UNC5D: variants seen among roughly 807,000 people sequenced by gnomAD.
UNC5D encodes unc-5 netrin receptor D, also known as netrin receptor UNC5D.
In UNC5D, 39 loss-of-function variants were observed where a neutral mutation model predicts 105.4. The ratio of observed to expected loss-of-function variants is 0.37; its 90% CI spans 0.29 to 0.48. The LOEUF (loss-of-function observed/expected upper bound fraction) is 0.48, where lower values mean the gene tolerates loss of function less well. Ranked by LOEUF, UNC5D falls within the 20% of genes least tolerant of loss-of-function variation. The pLI is 0.98. For missense variants in UNC5D, 991 were observed against 1,202.4 expected, an observed-to-expected ratio of 0.82 and a Z score of 2.60; for synonymous variants, 452 against 450.4, an observed-to-expected ratio of 1.00 and a Z score of -0.04.
At chr8:35,754,963 G>C (rs1005502417) in intron 13 of UNC5D, among the ~76,000 whole-genome samples, 1 of 152,110 alleles carries the variant, frequency 6.6e-6, no homozygotes, top group Admixed American at 6.5e-5. Flanking sequence ...GGTGAGAAAA[G>C]AATAAGAAGA....
chr8:35,554,905 G>A (rs1816429802), intron 2 of UNC5D, among the ~76,000 whole-genome samples: 1 of 152,092 alleles, frequency 6.6e-6, no homozygotes, highest in Non-Finnish European at 1.5e-5. Flanking sequence ...TTAAACAACT[G>A]GAGTCACTCT....
chr8:35,320,089 T>C (rs766204400), intron 1 of UNC5D, among the ~76,000 whole-genome samples: 4 of 152,066 alleles, frequency 2.6e-5, no homozygotes, highest in Non-Finnish European at 5.9e-5. Context: ...CCTGAGAACA[T>C]GTGCCCAAGG....
At chr8:35,780,234 A>G (rs1252483005) in intron 16 of UNC5D, among the ~76,000 whole-genome samples, 2 of 152,216 alleles carry the variant, frequency 1.3e-5, no homozygotes, top group African/African-American at 2.4e-5. Flanking sequence ...TTTCAAACAC[A>G]CTTCAGATTT....
chr8:35,646,106 G>C (rs138125641), intron 4 of UNC5D, among the ~76,000 whole-genome samples: 21 of 152,236 alleles, frequency 1.4e-4, no homozygotes, highest in African/African-American at 4.8e-4. Flanking sequence ...ATATAATGTA[G>C]CTCATTGGCA....
intron 7 of UNC5D, among the ~76,000 whole-genome samples, chr8:35,694,849 A>C (rs564147160): frequency 6.6e-6 from 1 of 152,168 alleles, no homozygotes; most frequent in South Asian, 2.1e-4. Flanking sequence ...CCAAAGTGCT[A>C]GGATAACAGG....
intron 4 of UNC5D, among the ~76,000 whole-genome samples, chr8:35,643,176 G>A (rs1381773406): frequency 1.3e-5 from 2 of 152,142 alleles, no homozygotes; most frequent in African/African-American, 2.4e-5. Flanking sequence ...AGTGGGATCC[G>A]TGGCCTCCAC....
At chr8:35,633,090 C>T (rs570608644) in intron 4 of UNC5D, among the ~76,000 whole-genome samples, 7 of 152,336 alleles carry the variant, frequency 4.6e-5, no homozygotes, top group African/African-American at 1.7e-4. Flanking sequence ...CTCTCTAAGG[C>T]TCTCTGCCTC....
chr8:35,244,068 G>A (rs928319006), intron 1 of UNC5D, among the ~76,000 whole-genome samples: 2 of 152,148 alleles, frequency 1.3e-5, no homozygotes, highest in East Asian at 1.9e-4. Flanking sequence ...GTCCTATTAT[G>A]CGTGGCTGTT....
intron 1 of UNC5D, among the ~76,000 whole-genome samples, chr8:35,451,856 A>T (rs1264209877): frequency 6.6e-6 from 1 of 152,148 alleles, no homozygotes; most frequent in East Asian, 1.9e-4. Flanking sequence ...TTGGGAGAAG[A>T]AATTTCAGGT....
At chr8:35,368,785 T>C (rs919189927) in intron 1 of UNC5D, among the ~76,000 whole-genome samples, 1 of 151,932 alleles carries the variant, frequency 6.6e-6, no homozygotes, top group African/African-American at 2.4e-5. Flanking sequence ...TTGGGTCCCT[T>C]AGAACAAGAG....
At chr8:35,728,327 T>C (rs931420194) in intron 10 of UNC5D, among the ~76,000 whole-genome samples, 2 of 151,998 alleles carry the variant, frequency 1.3e-5, no homozygotes, top group Non-Finnish European at 2.9e-5. Flanking sequence ...GGGAGAGCCA[T>C]GACCAACCCG....
intron 1 of UNC5D, among the ~76,000 whole-genome samples, chr8:35,540,441 A>AGGGG (rs34099157): frequency 7.6e-6 from 1 of 132,004 alleles, no homozygotes; most frequent in Non-Finnish European, 1.6e-5. Context: ...CACAAAGCAG[A>AGGGG]GGGGTGTGTG....
At chr8:35,589,552 A>G (rs1819025497) in intron 3 of UNC5D, among the ~76,000 whole-genome samples, 1 of 152,022 alleles carries the variant, frequency 6.6e-6, no homozygotes, top group Admixed American at 6.6e-5. Context: ...TTTTTAGTAT[A>G]CTCACAGAGT....
intron 1 of UNC5D, among the ~76,000 whole-genome samples, chr8:35,481,781 T>G (rs942127557): frequency 6.6e-6 from 1 of 152,210 alleles, no homozygotes; most frequent in African/African-American, 2.4e-5. Context: ...TTTTGCAATG[T>G]GGATTGAGTT....
chr8:35,497,634 G>T (rs1045178000), intron 1 of UNC5D, among the ~76,000 whole-genome samples: 2 of 150,810 alleles, frequency 1.3e-5, no homozygotes, highest in Admixed American at 6.7e-5. Flanking sequence ...AATGGTAATG[G>T]AAGCATGGAG....
intron 1 of UNC5D, among the ~76,000 whole-genome samples, chr8:35,300,257 G>A (rs1421667172): frequency 1.3e-5 from 2 of 151,834 alleles, no homozygotes; most frequent in African/African-American, 2.4e-5. Context: ...AGACCAGCCT[G>A]GCCAACATGG....
intron 1 of UNC5D, among the ~76,000 whole-genome samples, chr8:35,248,176 A>G (rs1218873410): frequency 2.2e-3 from 106 of 48,268 alleles, no homozygotes; most frequent in African/African-American, 0.01. Flanking sequence ...ATTATATAAT[A>G]TATATAATAT....
At chr8:35,287,093 C>G (rs867221900) in intron 1 of UNC5D, among the ~76,000 whole-genome samples, 1 of 152,162 alleles carries the variant, frequency 6.6e-6, no homozygotes, top group Non-Finnish European at 1.5e-5. Context: ...CTGCCAGCCA[C>G]CCCTCCAGAA....
intron 1 of UNC5D, among the ~76,000 whole-genome samples, chr8:35,400,921 T>C (rs1804417402): frequency 6.6e-6 from 1 of 152,184 alleles, no homozygotes; most frequent in South Asian, 2.1e-4. Flanking sequence ...ATATAACTGA[T>C]ATATAATGCC....
Sources: allele counts gnomAD v4.1 joint callset (sites outside exome capture counted in the v4.1 genomes callset), GRCh38; gene constraint gnomAD v4.1.1; transcripts MANE v1.5; gene names NCBI Gene and HGNC (gene_info 2026-07-23, HGNC 2026-07-21).